DLGAP2: variants seen among roughly 807,000 people sequenced by gnomAD.
DLGAP2 encodes the protein DLG associated protein 2.
A neutral mutation model predicts 100.3 loss-of-function variants in DLGAP2; 26 were observed. The ratio of observed to expected loss-of-function variants is 0.26; its 90% CI spans 0.19 to 0.36. The LOEUF (loss-of-function observed/expected upper bound fraction) is 0.36. Among genes scored for constraint, DLGAP2 ranks in the 10% least tolerant of loss-of-function variants. The probability of loss-of-function intolerance (pLI) is 1.00; values close to 1 mark genes in which losing one functional copy is unlikely to be tolerated. For missense variants in DLGAP2, 1,858 were observed against 1,453.2 expected, an observed-to-expected ratio of 1.28 and a Z score of -4.53; for synonymous variants, 886 against 630.1, an observed-to-expected ratio of 1.41 and a Z score of -6.08.
At chr8:1,040,473 T>C (rs1330581716) in intron 2 of DLGAP2, among the ~76,000 whole-genome samples, 1 of 149,254 alleles carries the variant, frequency 6.7e-6, no homozygotes, top group Non-Finnish European at 1.5e-5. Flanking sequence ...TCGGTGTGCA[T>C]GGTCGGCTCG....
At chr8:1,010,372 C>T (rs1801244243) in intron 2 of DLGAP2, among the ~76,000 whole-genome samples, 1 of 151,786 alleles carries the variant, frequency 6.6e-6, no homozygotes, top group Admixed American at 6.6e-5. Context: ...CTCATTCTCA[C>T]ATGTGTGCAC....
chr8:793,450 G>A (rs1007519665), intron 1 of DLGAP2, among the ~76,000 whole-genome samples: 1 of 152,160 alleles, frequency 6.6e-6, no homozygotes, highest in Non-Finnish European at 1.5e-5. Context: ...TGCTCTCCTT[G>A]GGCTGCCATA....
At chr8:1,171,776 T>A (rs1404693423) in intron 2 of DLGAP2, among the ~76,000 whole-genome samples, 1 of 152,054 alleles carries the variant, frequency 6.6e-6, no homozygotes, top group Non-Finnish European at 1.5e-5. Context: ...CCTATATGTG[T>A]CTCTGCACGT....
At chr8:1,063,175 C>A (rs914327845) in intron 2 of DLGAP2, among the ~76,000 whole-genome samples, 1 of 152,220 alleles carries the variant, frequency 6.6e-6, no homozygotes, top group Non-Finnish European at 1.5e-5. Flanking sequence ...GACTGATACG[C>A]CGCAAAGTGC....
intron 7 of DLGAP2, 32 bp from the exon 8 acceptor site, chr8:1,632,795 C>T (rs749697759): frequency 1.2e-5 from 18 of 1,564,202 alleles, no homozygotes; most frequent in Non-Finnish European, 1.3e-5. Flanking sequence ...CCTGGAGGGC[C>T]GGGGCATCAC....
At chr8:1,463,176 G>A (rs1798508991) in intron 3 of DLGAP2, among the ~76,000 whole-genome samples, 1 of 152,192 alleles carries the variant, frequency 6.6e-6, no homozygotes, top group Admixed American at 6.5e-5. Flanking sequence ...TTGAATCCAG[G>A]AGATGGAGGC....
At chr8:1,607,254 A>G (rs1005104060) in intron 6 of DLGAP2, among the ~76,000 whole-genome samples, 5 of 152,228 alleles carry the variant, frequency 3.3e-5, no homozygotes, top group Admixed American at 6.5e-5. Context: ...TAATCTCTAA[A>G]GATTTACAGA....
chr8:1,482,912 C>G (rs930822334), intron 3 of DLGAP2, among the ~76,000 whole-genome samples: 1 of 152,242 alleles, frequency 6.6e-6, no homozygotes, highest in Admixed American at 6.5e-5. Flanking sequence ...GACAGGGACC[C>G]AGGAGAAGAG....
At chr8:747,574 A>C (rs1341467604) in intron 1 of DLGAP2, among the ~76,000 whole-genome samples, 1 of 98,466 alleles carries the variant, frequency 1.0e-5, no homozygotes, top group African/African-American at 4.2e-5. Flanking sequence ...GGGGCTCTGC[A>C]GCAGTATGAG....
intron 1 of DLGAP2, among the ~76,000 whole-genome samples, chr8:829,116 C>G (rs1387218580): frequency 1.3e-5 from 2 of 152,112 alleles, no homozygotes; most frequent in Admixed American, 6.6e-5. Flanking sequence ...AGGAGAAATC[C>G]CTAGTGTTTT....
intron 2 of DLGAP2, among the ~76,000 whole-genome samples, chr8:1,067,350 C>T (rs890403044): frequency 6.6e-6 from 1 of 152,180 alleles, no homozygotes; most frequent in Non-Finnish European, 1.5e-5. Context: ...TTGGTGTTCC[C>T]GCTGTGGTGC....
chr8:1,559,279 C>A (rs1333809062), intron 5 of DLGAP2, among the ~76,000 whole-genome samples: 1 of 152,212 alleles, frequency 6.6e-6, no homozygotes, highest in Non-Finnish European at 1.5e-5. Context: ...TTCATTCCTT[C>A]ACTGAAGGCC....
chr8:850,025 C>T (rs112448936), intron 1 of DLGAP2, among the ~76,000 whole-genome samples: 36,178 of 148,030 alleles, frequency 0.24, 4,773 homozygotes, highest in Non-Finnish European at 0.3. Flanking sequence ...GATTGTGCCA[C>T]GCACTCCAGC....
At chr8:930,579 G>A (rs1252590660) in intron 2 of DLGAP2, among the ~76,000 whole-genome samples, 1 of 152,232 alleles carries the variant, frequency 6.6e-6, no homozygotes, top group African/African-American at 2.4e-5. Flanking sequence ...GAGGAAACCT[G>A]CAAAGACTAC....
intron 3 of DLGAP2, among the ~76,000 whole-genome samples, chr8:1,493,187 G>C (rs140448497): frequency 2.6e-5 from 4 of 152,348 alleles, no homozygotes; most frequent in Non-Finnish European, 5.9e-5. Context: ...TAGGAACCCA[G>C]ATGGCTGCCT....
intron 8 of DLGAP2, among the ~76,000 whole-genome samples, chr8:1,634,776 G>C (rs1013073303): frequency 6.6e-6 from 1 of 152,096 alleles, no homozygotes; most frequent in Non-Finnish European, 1.5e-5. Context: ...TTTTAGGACT[G>C]TCATTATAGA....
At chr8:1,475,937 T>C (rs1187327206) in intron 3 of DLGAP2, among the ~76,000 whole-genome samples, 1 of 152,194 alleles carries the variant, frequency 6.6e-6, no homozygotes, top group East Asian at 1.9e-4. Flanking sequence ...TCTTCTTCAT[T>C]ATAAAGAAAA....
At chr8:1,188,826 C>CT (rs144276325) in intron 2 of DLGAP2, among the ~76,000 whole-genome samples, 1,877 of 152,268 alleles carry the variant, frequency 0.012, 40 homozygotes, top group African/African-American at 0.043. Context: ...CAGGATGTGC[C>CT]TTTTTTTAGG....
intron 3 of DLGAP2, among the ~76,000 whole-genome samples, chr8:1,409,663 G>T (rs76341376): frequency 6.6e-6 from 1 of 152,188 alleles, no homozygotes; most frequent in Non-Finnish European, 1.5e-5. Flanking sequence ...AAGGACCAGC[G>T]TTTGAATCAG....
Sources: allele counts gnomAD v4.1 joint callset (sites outside exome capture counted in the v4.1 genomes callset), GRCh38; gene constraint gnomAD v4.1.1; transcripts MANE v1.5; gene names NCBI Gene and HGNC (gene_info 2026-07-23, HGNC 2026-07-21).